Variants in KLRG1 observed in about 807,000 individuals in gnomAD.
KLRG1 encodes killer cell lectin-like receptor subfamily G member 1.
Under a neutral mutation model 21.8 loss-of-function variants are expected in KLRG1, and 16 were observed. The observed-to-expected ratio is 0.73, with a 90% CI of 0.50 to 1.11. The LOEUF (loss-of-function observed/expected upper bound fraction) is 1.11. Among genes scored for constraint, KLRG1 ranks in the 50% most tolerant of loss-of-function variants. KLRG1 has a pLI of 0.00. For missense variants in KLRG1, 173 were observed against 218.3 expected (o/e 0.79, Z 1.31); for synonymous variants, 69 against 75.9 (o/e 0.91, Z 0.47).
the KLRG1 span, chr12:9,208,188 G>T: frequency 8.5e-7 from 1 of 1,174,254 alleles, no homozygotes; most frequent in Non-Finnish European, 1.3e-6. Flanking sequence ...ATTTACAAAG[G>T]AAGGCAAAGC....
chr12:9,080,134 A>AT, the KLRG1 span: 1 of 1,590,032 alleles, frequency 6.3e-7, no homozygotes, highest in South Asian at 1.2e-5. Flanking sequence ...CTTCTACCAC[A>AT]TTTGGTGGCA....
At chr12:9,046,365 A>C in the KLRG1 span, among the ~76,000 whole-genome samples, 3 of 152,252 alleles carry the variant, frequency 2.0e-5, no homozygotes, top group Non-Finnish European at 4.4e-5. Flanking sequence ...AGAATTTTCC[A>C]AAATTACCAA....
upstream of KLRG1, among the ~76,000 whole-genome samples, chr12:8,985,765 A>C (rs1294867265): frequency 6.6e-6 from 1 of 152,224 alleles, no homozygotes; most frequent in Non-Finnish European, 1.5e-5. Flanking sequence ...GCTGCTCTCC[A>C]GGAATCTCCA....
the KLRG1 span, among the ~76,000 whole-genome samples, chr12:9,054,371 T>G: frequency 7.2e-5 from 11 of 152,178 alleles, no homozygotes; most frequent in Non-Finnish European, 1.3e-4. Context: ...ATGTGCAAAA[T>G]TTTAAAAAGG....
At chr12:9,172,035 AATC>A in the KLRG1 span, among the ~76,000 whole-genome samples, 2 of 152,146 alleles carry the variant, frequency 1.3e-5, no homozygotes, top group Non-Finnish European at 2.9e-5. Flanking sequence ...AAAGACACAA[AATC>A]ATCAGATTCT....
the KLRG1 span, among the ~76,000 whole-genome samples, chr12:9,141,937 A>G: frequency 5.3e-5 from 8 of 152,216 alleles, no homozygotes; most frequent in African/African-American, 1.9e-4. Flanking sequence ...TAAGAGTTAT[A>G]TGGCATTTTA....
the KLRG1 span, among the ~76,000 whole-genome samples, chr12:9,197,437 TG>T: frequency 7.4e-6 from 1 of 135,980 alleles, no homozygotes. Context: ...TATTAATTAT[TG>T]GAGTACTGCT....
the KLRG1 span, chr12:9,201,189 A>T: frequency 3.6e-6 from 5 of 1,371,554 alleles, no homozygotes; most frequent in Non-Finnish European, 4.0e-6. Flanking sequence ...GAGAAAATAC[A>T]ATCAACCTGA....
At chr12:9,068,026 CG>C in the KLRG1 span, 10 of 975,790 alleles carry the variant, frequency 1.0e-5, no homozygotes, top group Non-Finnish European at 1.4e-5. Flanking sequence ...ACAGAGTCAG[CG>C]GCCCTCTCCA....
chr12:9,088,221 A>G, the KLRG1 span, among the ~76,000 whole-genome samples: 1 of 151,616 alleles, frequency 6.6e-6, no homozygotes, highest in Admixed American at 6.6e-5. Flanking sequence ...AAAAATGTTC[A>G]GGGGGGTGAC....
the KLRG1 span, chr12:9,067,886 T>A: frequency 6.3e-7 from 1 of 1,576,694 alleles, no homozygotes; most frequent in Non-Finnish European, 8.7e-7. Context: ...TGGGTCTCCA[T>A]GAGCAGAGAG....
chr12:9,166,200 CT>C, the KLRG1 span: 1 of 1,609,246 alleles, frequency 6.2e-7, no homozygotes, highest in Non-Finnish European at 8.5e-7. Flanking sequence ...ACTCCTAGAC[CT>C]GCTAAAGTAA....
the KLRG1 span, among the ~76,000 whole-genome samples, chr12:9,078,114 C>T: frequency 6.6e-6 from 1 of 152,064 alleles, no homozygotes; most frequent in African/African-American, 2.4e-5. Context: ...GCAGAACGTG[C>T]AGGTTTGTTA....
chr12:9,185,953 G>A, the KLRG1 span, among the ~76,000 whole-genome samples: 21 of 151,644 alleles, frequency 1.4e-4, no homozygotes, highest in Admixed American at 3.3e-4. Flanking sequence ...GACTACAGGC[G>A]TGCACCATCA....
the KLRG1 span, chr12:9,160,092 C>G: frequency 7.0e-7 from 1 of 1,437,996 alleles, no homozygotes. Flanking sequence ...TATGTTTAGG[C>G]TCATGCATCC....
chr12:8,987,270 G>T (rs1316793707), upstream of KLRG1: 1 of 152,198 alleles, frequency 6.6e-6, no homozygotes, highest in Non-Finnish European at 1.5e-5. Context: ...GTTTAAGGAA[G>T]TAATTAAGGT....
chr12:9,070,031 G>A, the KLRG1 span, among the ~76,000 whole-genome samples: 108 of 152,296 alleles, frequency 7.1e-4, no homozygotes, highest in African/African-American at 2.5e-3. Flanking sequence ...TTTATCTGAA[G>A]AAAAGACAGC....
At chr12:9,074,511 A>G in the KLRG1 span, 1 of 1,513,028 alleles carries the variant, frequency 6.6e-7, no homozygotes, top group African/African-American at 1.4e-5. Context: ...TTTCATTCAA[A>G]TCTTTTGCTA....
At chr12:9,171,204 G>A in the KLRG1 span, among the ~76,000 whole-genome samples, 1 of 152,106 alleles carries the variant, frequency 6.6e-6, no homozygotes, top group African/African-American at 2.4e-5. Flanking sequence ...CCACGTACGG[G>A]AGAAACCAAA....
Sources: allele counts gnomAD v4.1 joint callset (sites outside exome capture counted in the v4.1 genomes callset), GRCh38; gene constraint gnomAD v4.1.1; transcripts MANE v1.5; gene names NCBI Gene and HGNC (gene_info 2026-07-23, HGNC 2026-07-21).